The following CACNA2D3 variants were observed in gnomAD, a reference collection of about 807,000 sequenced individuals.
The protein encoded by CACNA2D3 is calcium voltage-gated channel auxiliary subunit alpha2delta 3.
In CACNA2D3, 60 loss-of-function variants were observed where a neutral mutation model predicts 160.6. The ratio of observed to expected loss-of-function variants is 0.37; its 90% CI spans 0.30 to 0.46. CACNA2D3 has a LOEUF of 0.46. CACNA2D3 is among the 20% of genes least tolerant of loss of function. The pLI, the probability that CACNA2D3 is intolerant of heterozygous loss-of-function variation, is 1.00. For missense variants in CACNA2D3, 1,205 were observed against 1,365.0 expected, an observed-to-expected ratio of 0.88 and a Z score of 1.85; for synonymous variants, 558 against 492.9, an observed-to-expected ratio of 1.13 and a Z score of -1.75.
chr3:54,563,783 A>G (rs1702364998), intron 6 of CACNA2D3, among the ~76,000 whole-genome samples: 1 of 152,136 alleles, frequency 6.6e-6, no homozygotes, highest in Non-Finnish European at 1.5e-5. Flanking sequence ...ATTAAGTAAG[A>G]CTAGGCACCT....
intron 2 of CACNA2D3, among the ~76,000 whole-genome samples, chr3:54,250,780 C>T (rs1433334945): frequency 6.6e-6 from 1 of 152,042 alleles, no homozygotes; most frequent in Non-Finnish European, 1.5e-5. Context: ...GCATGCAACT[C>T]CTAGGGGGCT....
intron 35 of CACNA2D3, among the ~76,000 whole-genome samples, chr3:55,030,071 C>T (rs1007569474): frequency 1.3e-5 from 2 of 152,060 alleles, no homozygotes; most frequent in African/African-American, 4.8e-5. Flanking sequence ...TTATTTTTCC[C>T]CAAGTTTTCC....
intron 5 of CACNA2D3, among the ~76,000 whole-genome samples, chr3:54,555,154 G>C (rs568727336): frequency 6.6e-6 from 1 of 152,142 alleles, no homozygotes; most frequent in Non-Finnish European, 1.5e-5. Flanking sequence ...GAGATTACAG[G>C]TGTGAGCCAG....
At chr3:54,384,066 A>G (rs1009660575) in intron 3 of CACNA2D3, among the ~76,000 whole-genome samples, 1 of 152,046 alleles carries the variant, frequency 6.6e-6, no homozygotes, top group African/African-American at 2.4e-5. Context: ...TATTATTTTC[A>G]TCCTGTTCTC....
intron 9 of CACNA2D3, among the ~76,000 whole-genome samples, chr3:54,611,655 C>T (rs1033705916): frequency 6.6e-6 from 1 of 152,218 alleles, no homozygotes; most frequent in African/African-American, 2.4e-5. Context: ...ACTATCCAGT[C>T]TCTTTGCTGA....
intron 3 of CACNA2D3, among the ~76,000 whole-genome samples, chr3:54,380,726 C>CA (rs1553641440): frequency 6.6e-6 from 1 of 150,848 alleles, no homozygotes; most frequent in Admixed American, 6.6e-5. Context: ...GTCTCAAAAA[C>CA]AAAAAACAAA....
chr3:55,028,923 C>A (rs1210288375), intron 35 of CACNA2D3, among the ~76,000 whole-genome samples: 1 of 152,190 alleles, frequency 6.6e-6, no homozygotes, highest in East Asian at 1.9e-4. Context: ...TCTCCCCACG[C>A]ACCTTTCATT....
rs577056342 is a variant in CACNA2D3, at chr3:54,191,359, A to T, written c.204+67765A>T. ...ATGAGTATTTTTCTGCCTTCTGGCC[A>T]TATTTAATGTTCTAATGCCTTTTCT... On this transcript the variant is annotated intron_variant, in intron 2 of 37. Coordinates refer to ENST00000474759, the MANE Select transcript of CACNA2D3 (RefSeq NM_018398.3). Among the ~76,000 whole-genome samples, 14 of 152,066 alleles carry T rather than the reference A, an allele frequency of 9.2e-5. No individual in the cohort carries two copies. The East Asian group carries it at 2.7e-3, about 29-fold the overall frequency.
chr3:54,993,906 G>A (rs1702795650), intron 31 of CACNA2D3, among the ~76,000 whole-genome samples: 1 of 146,472 alleles, frequency 6.8e-6, no homozygotes, highest in African/African-American at 2.6e-5. Context: ...GTGTGTGTGT[G>A]TGTGTGTGTG....
intron 29 of CACNA2D3, among the ~76,000 whole-genome samples, chr3:54,973,769 T>C (rs1702325994): frequency 6.6e-6 from 1 of 152,230 alleles, no homozygotes; most frequent in Non-Finnish European, 1.5e-5. Context: ...CAATAAATTT[T>C]TTCAAAAGAC....
chr3:54,573,735 A>G (rs1383789938), intron 8 of CACNA2D3, among the ~76,000 whole-genome samples: 1 of 152,244 alleles, frequency 6.6e-6, no homozygotes, highest in Non-Finnish European at 1.5e-5. Flanking sequence ...ATGTTTACAC[A>G]GTTACCAACA....
At chr3:54,496,273 T>C (rs779838233) in intron 4 of CACNA2D3, among the ~76,000 whole-genome samples, 3 of 152,222 alleles carry the variant, frequency 2.0e-5, no homozygotes, top group Admixed American at 6.5e-5. Context: ...CCACAAGCAA[T>C]ATATGAGATA....
intron 13 of CACNA2D3, among the ~76,000 whole-genome samples, chr3:54,795,178 A>G (rs1464415801): frequency 6.6e-6 from 1 of 152,126 alleles, no homozygotes; most frequent in African/African-American, 2.4e-5. Context: ...TGTTAGACCC[A>G]TACAGTCACT....
intron 11 of CACNA2D3, among the ~76,000 whole-genome samples, chr3:54,714,696 T>G (rs1217121873): frequency 6.6e-6 from 1 of 152,202 alleles, no homozygotes; most frequent in Non-Finnish European, 1.5e-5. Context: ...CTCTGGATCA[T>G]GTACACTCAT....
chr3:54,745,271 A>C (rs542177569), intron 11 of CACNA2D3, among the ~76,000 whole-genome samples: 2 of 152,298 alleles, frequency 1.3e-5, no homozygotes, highest in South Asian at 4.1e-4. Context: ...CTCAGTGGGC[A>C]CTGGGGTAGA....
At chr3:54,652,883 A>C (rs947564910) in intron 11 of CACNA2D3, among the ~76,000 whole-genome samples, 3 of 150,202 alleles carry the variant, frequency 2.0e-5, no homozygotes, top group African/African-American at 7.3e-5. Flanking sequence ...CCTGGATTCA[A>C]GTGATTCTCC....
In CACNA2D3 at chr3:54,129,878, C is replaced by T. The variant is rs541111634; in HGVS notation, c.204+6284C>T. 2.1e-4 allele frequency among the ~76,000 whole-genome samples: 32 copies of T among 152,310 alleles called. No individual in the cohort carries two copies. The East Asian group carries it at 3.1e-3, about 15-fold the overall frequency. ...AAAATGGATGCTGCTCATCACAGAA[C>T]GTGCCAGATAATGCTTGCTGATGGG... On this transcript the variant is annotated intron_variant, in intron 2 of 37. Coordinates refer to ENST00000474759, the MANE Select transcript of CACNA2D3 (RefSeq NM_018398.3).
At chr3:54,319,791 G>T (rs1390514576) in intron 2 of CACNA2D3, among the ~76,000 whole-genome samples, 1 of 152,002 alleles carries the variant, frequency 6.6e-6, no homozygotes, top group African/African-American at 2.4e-5. Context: ...CTCATTGCAT[G>T]TTAACATATA....
intron 27 of CACNA2D3, chr3:54,924,823 T>A: frequency 1.2e-6 from 2 of 1,614,018 alleles, no homozygotes; most frequent in Non-Finnish European, 1.7e-6. Context: ...AGGTGGCTTA[T>A]GTTGTTTGAT....
Sources: allele counts gnomAD v4.1 joint callset (sites outside exome capture counted in the v4.1 genomes callset), GRCh38; gene constraint gnomAD v4.1.1; transcripts MANE v1.5; gene names NCBI Gene and HGNC (gene_info 2026-07-23, HGNC 2026-07-21).